Variants in PPP2R3B observed in about 807,000 individuals in gnomAD.
PPP2R3B encodes protein phosphatase 2 regulatory subunit B''beta.
Under a neutral mutation model 72.9 loss-of-function variants are expected in PPP2R3B, and 68 were observed. That is an observed-to-expected ratio of 0.93 (90% CI 0.77 to 1.14). The LOEUF (loss-of-function observed/expected upper bound fraction) is 1.14, where lower values mean the gene tolerates loss of function less well. PPP2R3B is among the 50% of genes most tolerant of loss of function. PPP2R3B has a pLI of 0.00. For missense variants in PPP2R3B, 1,018 were observed against 842.0 expected, an observed-to-expected ratio of 1.21 and a Z score of -2.59; for synonymous variants, 466 against 375.8, an observed-to-expected ratio of 1.24 and a Z score of -2.78.
rs745753263 is a variant in PPP2R3B at position 352,646 on chromosome X, A to C, written c.511-4953T>G. 1.2e-3 allele frequency among the ~76,000 whole-genome samples: 180 copies of C among 150,100 alleles called. 1 individual carries two copies. Among genetic ancestry groups the C allele is most frequent in the African/African-American group, 4.2e-3 (171 of 40,776 alleles). On this transcript the variant is annotated intron_variant, in intron 2 of 12. Coordinates refer to ENST00000390665, the MANE Select transcript of PPP2R3B (RefSeq NM_013239.5). ...CTGAGCAGGAAACACCGCCGGCCCC[A>C]AGGCCCACGTGATGGTGCTGCTGAG...
At chrX:368,338 C>G (rs28639997) in intron 1 of PPP2R3B, among the ~76,000 whole-genome samples, 8,231 of 42,108 alleles carry the variant, frequency 0.2, 694 homozygotes, top group Admixed American at 0.22. Context: ...GGCACCGACA[C>G]GGGGAAGGCC....
chrX:383,044 C>T (rs771116243), intron 1 of PPP2R3B, among the ~76,000 whole-genome samples: 5 of 152,216 alleles, frequency 3.3e-5, no homozygotes, highest in African/African-American at 1.2e-4. Flanking sequence ...TGCACTGGGC[C>T]GGAGCTCAAG....
Position 334,119 on chromosome X carries a change from A to C in PPP2R3B, c.*248T>G. The C allele has an allele frequency of 5.2e-6, 2 of 384,460 alleles. No homozygotes were observed. The allele number at this position is 384,460 out of a possible 1,614,324, so 23.8% of individuals were successfully genotyped here. A position where few individuals can be genotyped will look rare whatever the true frequency, so the allele number is the denominator to read the frequency against. On this transcript the variant is annotated 3_prime_UTR_variant, in exon 13 of 13. Transcript: ENST00000390665. ...AACCCAGGCTGGGTCGGGAACGGCA[A>C]GCGCCAGAGGGTGTCCGTGTGGGAA...
chrX:355,857 C>T (rs1220673862), intron 2 of PPP2R3B, among the ~76,000 whole-genome samples: 1 of 152,232 alleles, frequency 6.6e-6, no homozygotes, highest in East Asian at 1.9e-4. Context: ...GTCCAGCGCA[C>T]GTGCCCGCTC....
At chrX:345,335 A>G (rs758460762) in intron 7 of PPP2R3B, 181 bp downstream of exon 7, 4 of 885,552 alleles carry the variant, frequency 4.5e-6, no homozygotes, top group Non-Finnish European at 7.2e-6. Context: ...GGACCCAGAC[A>G]CGGGGCAGCG....
chrX:351,558 C>T (rs371250021), intron 2 of PPP2R3B, among the ~76,000 whole-genome samples: 6 of 148,094 alleles, frequency 4.1e-5, no homozygotes, highest in Non-Finnish European at 6.0e-5. Flanking sequence ...ACTTGTTTTT[C>T]GAGACACGGT....
rs145080301 is a variant in PPP2R3B, at chrX:348,880, C to T, written c.511-1187G>A. On this transcript the variant is annotated intron_variant, in intron 2 of 12. Transcript: ENST00000390665. Reference sequence around the variant, plus strand: ...CATGCGTTCCCCTGGAGAAGAAAAACGAGGGGCGTTTCCCAGTGCCTGTTC... The same window carrying T: ...CATGCGTTCCCCTGGAGAAGAAAAATGAGGGGCGTTTCCCAGTGCCTGTTC... Among the ~76,000 whole-genome samples, 324 of 152,062 alleles carry T rather than the reference C, an allele frequency of 2.1e-3. 6 individuals carry two copies. In the East Asian group the frequency reaches 0.059, roughly 28 times the overall value.
At position 347,297 on chromosome X, in the gene PPP2R3B, G is replaced by C. The variant is rs938523199; in HGVS notation, c.654C>G (p.Val218=). Residue 218 remains valine, a synonymous_variant, in exon 4 of 13, where the codon GTC becomes GTG. Transcript: ENST00000390665. ...TGCAGCCGGGGCTCATGAGCAGATG[G>C]ACGAACTTGGCCGCGTCGTCGTGGC... ...QNCHDDAAKF[V]HLLMSPGCNY... 1 of 1,613,826 alleles carries C rather than the reference G, an allele frequency of 6.2e-7. No homozygotes were observed. Among genetic ancestry groups the C allele is most frequent in the African/African-American group, 1.3e-5 (1 of 75,022 alleles).
rs776665224 is a variant in PPP2R3B, at chrX:341,865, C to T, written c.1085+18G>A. 6.8e-6 allele frequency: 11 copies of T among 1,612,284 alleles called. No homozygotes were observed. Among genetic ancestry groups the T allele is most frequent in the South Asian group, 4.4e-5 (4 of 91,072 alleles). On this transcript the variant is annotated intron_variant, in intron 8 of 12. Transcript: ENST00000390665. ...CGCAGGGGCAATGGCTGCCGTCAGG[C>T]GCCTGAGCCGTACGTACCGTGTGAC...
Position 334,185 on chromosome X carries a change from C to T in PPP2R3B, c.*182G>A. 1 of 656,526 alleles carries T rather than the reference C, an allele frequency of 1.5e-6. No individual in the cohort carries two copies. Among genetic ancestry groups the T allele is most frequent in the Non-Finnish European group, 2.3e-6 (1 of 439,998 alleles). 40.7% of individuals were successfully genotyped at this position (656,526 alleles called of 1,614,324 possible). On this transcript the variant is annotated 3_prime_UTR_variant, in exon 13 of 13. Coordinates refer to ENST00000390665, the MANE Select transcript of PPP2R3B (RefSeq NM_013239.5). Reference sequence around the variant, plus strand: ...CGCGGCCCTACGTGTCCCCCTGGCACAGAGCTCTGGGCAGGTCCAGCCACG... The same window carrying T: ...CGCGGCCCTACGTGTCCCCCTGGCATAGAGCTCTGGGCAGGTCCAGCCACG...
At chrX:366,731 C>A (rs1415083579) in intron 1 of PPP2R3B, among the ~76,000 whole-genome samples, 2 of 98,118 alleles carry the variant, frequency 2.0e-5, no homozygotes, top group Non-Finnish European at 4.4e-5. Flanking sequence ...GGTGTGGTGG[C>A]GCATGCCTGT....
chrX:375,863 T>C (rs190110900), intron 1 of PPP2R3B, among the ~76,000 whole-genome samples: 905 of 68,634 alleles, frequency 0.013, 11 homozygotes, highest in African/African-American at 0.048. Flanking sequence ...CACACCCCTG[T>C]GGACTTTACT....
rs763210367 is a variant in PPP2R3B at position 346,297 on chromosome X, A to AC, written c.793-38dup. On this transcript the variant is annotated intron_variant, in intron 5 of 12. Coordinates refer to ENST00000390665, the MANE Select transcript of PPP2R3B (RefSeq NM_013239.5). ...CTGTCAGTGCGGTGGGTGCGCAGAGACCCCCAGGAGCCTCGCCCCGCACGG... is the reference window on the plus strand; with the variant it reads ...CTGTCAGTGCGGTGGGTGCGCAGAGACCCCCCAGGAGCCTCGCCCCGCACGG... 6.5e-6 allele frequency: 10 copies of AC among 1,534,990 alleles called. No individual in the cohort carries two copies. The African/African-American group carries it at 9.7e-5, about 15-fold the overall frequency.
At position 334,407 on chromosome X, in the gene PPP2R3B, T is replaced by C. The variant is rs761343637; in HGVS notation, c.1688A>G (p.Tyr563Cys). The C allele has an allele frequency of 5.7e-6, 9 of 1,587,058 alleles. No homozygotes were observed. Among genetic ancestry groups the C allele is most frequent in the Non-Finnish European group, 7.7e-6 (9 of 1,173,114 alleles). ...APSPLGAVDL[Y>C]EYACGDEDLE... ...GTCCTCGTCCCCGCATGCGTACTCG[T>C]ACAGGTCCACGGCGCCCAGCGGTGA... Residue 563 changes from tyrosine to cysteine, a missense_variant, in exon 13 of 13, where the codon TAC becomes TGC. Transcript: ENST00000390665.
rs754905172 is a variant in PPP2R3B, at chrX:334,020, C to T, written c.*347G>A. On this transcript the variant is annotated 3_prime_UTR_variant, in exon 13 of 13. Transcript: ENST00000390665. ...ACAGCCTGTGGTGGAGGCTCCTGTC[C>T]AGGACTGAGGCGCCCGGGAGCCGCC... 1.3e-3 allele frequency: 305 copies of T among 238,390 alleles called. 2 individuals are homozygous for T. The highest frequency in any genetic ancestry group is 7.2e-5 in the Non-Finnish European group (9 of 124,324). The allele number at this position is 238,390 out of a possible 1,614,324, so 14.8% of individuals were successfully genotyped here. A position where few individuals can be genotyped will look rare whatever the true frequency, so the allele number is the denominator to read the frequency against.
At chrX:378,401 CATA>C (rs1190458821) in intron 1 of PPP2R3B, among the ~76,000 whole-genome samples, 1 of 152,212 alleles carries the variant, frequency 6.6e-6, no homozygotes, top group African/African-American at 2.4e-5. Flanking sequence ...CATGAGCAAA[CATA>C]ATGGCTTTTC....
At chrX:354,124 C>T (rs1181768282) in intron 2 of PPP2R3B, among the ~76,000 whole-genome samples, 4 of 138,404 alleles carry the variant, frequency 2.9e-5, no homozygotes, top group Non-Finnish European at 6.0e-5. Context: ...AGGGGGCTCA[C>T]CCAAAGACTG....
chrX:382,597 G>A (rs1178602881), intron 1 of PPP2R3B, among the ~76,000 whole-genome samples: 1 of 152,050 alleles, frequency 6.6e-6, no homozygotes, highest in Non-Finnish European at 1.5e-5. Flanking sequence ...CTTTCTCCAG[G>A]AGAGAAATGA....
chrX:386,269 G>C (rs1440187725), intron 1 of PPP2R3B, 99 bp downstream of exon 1: 2 of 1,024,544 alleles, frequency 2.0e-6, no homozygotes, highest in Non-Finnish European at 1.3e-6. Context: ...ACCGTTTTGG[G>C]GTCTGACGCT....
Sources: gnomAD v4.1 joint callset for allele counts (sites outside exome capture counted in the v4.1 genomes callset) on GRCh38, gnomAD v4.1.1 for gene constraint, MANE v1.5 for transcripts, NCBI Gene and HGNC (gene_info 2026-07-23, HGNC 2026-07-21) for gene names.